Variants in EXT1 observed in about 807,000 individuals in gnomAD.
EXT1 encodes exostosin-1.
A neutral mutation model predicts 82.5 loss-of-function variants in EXT1; 20 were observed. The ratio of observed to expected loss-of-function variants is 0.24; its 90% CI spans 0.17 to 0.35. The LOEUF is 0.35. EXT1 is among the 10% of genes least tolerant of loss of function. EXT1 has a pLI of 1.00. For synonymous variants in EXT1, 348 were observed against 350.8 expected, an observed-to-expected ratio of 0.99 and a Z score of 0.09; for missense variants, 757 against 936.5, an observed-to-expected ratio of 0.81 and a Z score of 2.50.
intron 1 of EXT1, among the ~76,000 whole-genome samples, chr8:118,041,809 G>T (rs545416166): frequency 6.6e-6 from 1 of 152,034 alleles, no homozygotes; most frequent in Non-Finnish European, 1.5e-5. Context: ...TTAGCTCGGC[G>T]TGGTGGCACA....
intron 1 of EXT1, among the ~76,000 whole-genome samples, chr8:117,976,970 T>C (rs1167371919): frequency 6.6e-6 from 1 of 152,176 alleles, no homozygotes. Context: ...ACTGAGGTTT[T>C]AATGTTTGCT....
At chr8:117,895,975 T>C (rs1301302591) in intron 1 of EXT1, among the ~76,000 whole-genome samples, 2 of 152,162 alleles carry the variant, frequency 1.3e-5, no homozygotes, top group Admixed American at 1.3e-4. Flanking sequence ...ATCACATGGG[T>C]TTCTGAAATA....
At chr8:117,813,491 G>C (rs1823367838) in intron 7 of EXT1, among the ~76,000 whole-genome samples, 1 of 146,812 alleles carries the variant, frequency 6.8e-6, no homozygotes, top group Non-Finnish European at 1.5e-5. Context: ...AACCGAAAGA[G>C]TGAATGGATG....
At chr8:117,963,751 A>C (rs1218602686) in intron 1 of EXT1, among the ~76,000 whole-genome samples, 1 of 152,132 alleles carries the variant, frequency 6.6e-6, no homozygotes, top group East Asian at 1.9e-4. Context: ...CTGACTCCCA[A>C]AGTGCTTGAA....
chr8:117,993,330 C>T, intron 1 of EXT1, among the ~76,000 whole-genome samples: 1 of 152,212 alleles, frequency 6.6e-6, no homozygotes, highest in East Asian at 1.9e-4. Flanking sequence ...ACTAGCATTT[C>T]TCCAACTATA....
intron 1 of EXT1, among the ~76,000 whole-genome samples, chr8:118,021,050 T>C (rs1225893268): frequency 6.6e-6 from 1 of 152,234 alleles, no homozygotes; most frequent in Non-Finnish European, 1.5e-5. Context: ...TGAGTTCATT[T>C]CAAAGCTTTC....
chr8:118,083,671 G>C (rs1280375680), intron 1 of EXT1, among the ~76,000 whole-genome samples: 1 of 152,128 alleles, frequency 6.6e-6, no homozygotes, highest in Admixed American at 6.5e-5. Context: ...AAGCTCAATA[G>C]AAGTTTTCTA....
chr8:117,989,491 G>A (rs1815391247), intron 1 of EXT1, among the ~76,000 whole-genome samples: 1 of 152,168 alleles, frequency 6.6e-6, no homozygotes. Flanking sequence ...TCATAATGGA[G>A]CCTGCAGTAC....
At chr8:118,061,096 A>G (rs1816873634) in intron 1 of EXT1, among the ~76,000 whole-genome samples, 4 of 152,328 alleles carry the variant, frequency 2.6e-5, no homozygotes, top group Middle Eastern at 6.8e-3. Context: ...ACTTGGGGTA[A>G]GTTAATTCCC....
intron 1 of EXT1, among the ~76,000 whole-genome samples, chr8:117,851,886 T>C (rs191270991): frequency 6.6e-6 from 1 of 152,126 alleles, no homozygotes; most frequent in Non-Finnish European, 1.5e-5. Flanking sequence ...GGCCCCAGTA[T>C]AGTCTGAAAA....
rs571037945 is a variant in EXT1, at chr8:117,938,756, C to T, written c.963-101555G>A. The stretch of plus-strand genomic sequence containing the variant: ...CTCTATAACTGTTAAAGGAGGCATA[C>T]TCATAATTATTTTTATTTTTCAATA... On this transcript the variant is annotated intron_variant, in intron 1 of 10. Transcript: ENST00000378204. Among the ~76,000 whole-genome samples the T allele has an allele frequency of 5.9e-5, 9 of 152,330 alleles. No individual in the cohort carries two copies. The South Asian group carries it at 1.9e-3, about 32-fold the overall frequency.
intron 1 of EXT1, among the ~76,000 whole-genome samples, chr8:117,851,976 T>C (rs983240170): frequency 6.6e-6 from 1 of 152,164 alleles, no homozygotes; most frequent in African/African-American, 2.4e-5. Context: ...ATGGTGGTAA[T>C]AACTCTAGCT....
At chr8:117,977,846 C>G (rs1373676044) in intron 1 of EXT1, among the ~76,000 whole-genome samples, 1 of 152,160 alleles carries the variant, frequency 6.6e-6, no homozygotes, top group Non-Finnish European at 1.5e-5. Flanking sequence ...AAGGACTAAA[C>G]AGTGAAGTTA....
rs1334661782 is a variant in EXT1, at chr8:117,799,902, G to A, written c.2056-5C>T. On this transcript the variant is annotated splice_polypyrimidine_tract_variant and splice_region_variant and intron_variant, in intron 10 of 10. Transcript: ENST00000378204. ...CCAACGGGAAGCCCGAGAAGTCTAG[G>A]GAGAAGGAGAGAAACAAGGATAATG... is the stretch of plus-strand genomic sequence containing the variant. The A allele has an allele frequency of 6.2e-7, 1 of 1,613,814 alleles. No individual in the cohort carries two copies. Among genetic ancestry groups the A allele is most frequent in the South Asian group, 1.1e-5 (1 of 91,056 alleles).
chr8:117,888,438 GTAATA>G (rs1312755545), intron 1 of EXT1, among the ~76,000 whole-genome samples: 1 of 152,130 alleles, frequency 6.6e-6, no homozygotes, highest in East Asian at 1.9e-4. Context: ...GCTGAATAAA[GTAATA>G]TAATAGTTCT....
intron 1 of EXT1, among the ~76,000 whole-genome samples, chr8:118,031,924 C>G (rs1249384951): frequency 6.6e-6 from 1 of 152,000 alleles, no homozygotes; most frequent in Non-Finnish European, 1.5e-5. Flanking sequence ...ATCACAGAAA[C>G]TGGCAACACT....
At chr8:117,896,117 A>C (rs769700026) in intron 1 of EXT1, among the ~76,000 whole-genome samples, 17 of 152,206 alleles carry the variant, frequency 1.1e-4, no homozygotes, top group Non-Finnish European at 2.5e-4. Flanking sequence ...CACAGAAAAC[A>C]CATATTCTAA....
chr8:117,950,138 G>A (rs1349246597), intron 1 of EXT1, among the ~76,000 whole-genome samples: 1 of 152,214 alleles, frequency 6.6e-6, no homozygotes. Context: ...CTGCTGGGGA[G>A]GCTGAGGCAT....
intron 1 of EXT1, among the ~76,000 whole-genome samples, chr8:118,000,743 T>C (rs1156364380): frequency 6.6e-6 from 1 of 152,190 alleles, no homozygotes; most frequent in Non-Finnish European, 1.5e-5. Flanking sequence ...CTAGTAGCTG[T>C]AACTAGAAAT....
Sources: gnomAD v4.1 joint callset for allele counts (sites outside exome capture counted in the v4.1 genomes callset) on GRCh38, gnomAD v4.1.1 for gene constraint, MANE v1.5 for transcripts, NCBI Gene and HGNC (gene_info 2026-07-23, HGNC 2026-07-21) for gene names.